The following DGKB variants were observed in gnomAD, a reference collection of about 807,000 sequenced individuals.
DGKB encodes 90 kDa diacylglycerol kinase.
In DGKB, 67 loss-of-function variants were observed where a neutral mutation model predicts 114.3. The observed-to-expected ratio is 0.59, with a 90% CI of 0.48 to 0.72. The LOEUF (loss-of-function observed/expected upper bound fraction) is 0.72. Ranked by LOEUF, DGKB falls within the 30% of genes least tolerant of loss-of-function variation. The pLI is 0.00. For missense variants in DGKB, 907 were observed against 975.2 expected (o/e 0.93, Z 0.93); for synonymous variants, 398 against 323.1 (o/e 1.23, Z -2.49).
chr7:14,175,795 CA>C (rs942468767), intron 25 of DGKB, among the ~76,000 whole-genome samples: 3 of 151,876 alleles, frequency 2.0e-5, no homozygotes, highest in African/African-American at 7.3e-5. Context: ...TTGGTCACAC[CA>C]CCCTCCTTAG....
intron 12 of DGKB, 132 bp downstream of exon 12, chr7:14,682,421 T>C: frequency 1.5e-6 from 1 of 658,430 alleles, no homozygotes; most frequent in Non-Finnish European, 2.7e-6. Context: ...CAAGCTGAAA[T>C]GAGAAGTTTC....
intron 20 of DGKB, among the ~76,000 whole-genome samples, chr7:14,506,160 T>A (rs889780057): frequency 5.3e-5 from 8 of 152,170 alleles, no homozygotes; most frequent in Non-Finnish European, 1.0e-4. Context: ...CTCTTCCTGG[T>A]AACTCAGAAT....
intron 21 of DGKB, among the ~76,000 whole-genome samples, chr7:14,453,191 A>T (rs1166476539): frequency 6.6e-6 from 1 of 152,114 alleles, no homozygotes; most frequent in East Asian, 1.9e-4. Flanking sequence ...AGGCACAGAA[A>T]GGGTTAAGCT....
intron 23 of DGKB, among the ~76,000 whole-genome samples, chr7:14,315,704 G>C (rs1473989755): frequency 2.0e-5 from 3 of 150,058 alleles, no homozygotes; most frequent in African/African-American, 7.5e-5. Flanking sequence ...ACACCCCACT[G>C]TCAACATTAG....
rs541127523 is a variant in DGKB, at chr7:14,471,191, A to C, written c.1835+6970T>G. On this transcript the variant is annotated intron_variant, in intron 21 of 25. Transcript: ENST00000402815. ...ATATGGAATATATGTATATATACAT[A>C]TATGTATGGAATATATGTATATATA... 1.5e-5 allele frequency among the ~76,000 whole-genome samples: 2 copies of C among 133,088 alleles called. 1 individual carries two copies. The highest frequency in any genetic ancestry group is 3.1e-5 in the Non-Finnish European group (2 of 63,674). 87.3% of individuals were successfully genotyped at this position (133,088 alleles called of 152,430 possible). A position where few individuals can be genotyped will look rare whatever the true frequency, so the allele number is the denominator to read the frequency against.
chr7:14,322,087 C>T (rs867396840), intron 23 of DGKB, among the ~76,000 whole-genome samples: 4 of 152,288 alleles, frequency 2.6e-5, no homozygotes, highest in Middle Eastern at 6.8e-3. Context: ...ACTGATGAAT[C>T]GACCCATAGG....
At chr7:14,762,416 G>C (rs530944438) in intron 2 of DGKB, among the ~76,000 whole-genome samples, 1 of 152,052 alleles carries the variant, frequency 6.6e-6, no homozygotes, top group East Asian at 1.9e-4. Context: ...TACATTTTAG[G>C]GATCAACGTT....
At chr7:14,651,483 T>C (rs929466066) in intron 13 of DGKB, among the ~76,000 whole-genome samples, 5 of 146,298 alleles carry the variant, frequency 3.4e-5, no homozygotes, top group Admixed American at 7.1e-5. Context: ...AAATTAGGTA[T>C]TGATGGGACG....
At chr7:14,643,978 C>A (rs372541216) in intron 13 of DGKB, among the ~76,000 whole-genome samples, 1 of 152,162 alleles carries the variant, frequency 6.6e-6, no homozygotes, top group South Asian at 2.1e-4. Flanking sequence ...CACCAACACC[C>A]ATGCCTACAA....
At chr7:14,861,367 T>C (rs1396608520) in intron 1 of DGKB, among the ~76,000 whole-genome samples, 2 of 151,982 alleles carry the variant, frequency 1.3e-5, no homozygotes, top group Non-Finnish European at 2.9e-5. Flanking sequence ...GTTTCTGATA[T>C]AGCTAAAAAT....
At chr7:14,800,241 G>A (rs1481102953) in intron 2 of DGKB, among the ~76,000 whole-genome samples, 3 of 152,130 alleles carry the variant, frequency 2.0e-5, no homozygotes, top group African/African-American at 7.2e-5. Context: ...AAACAGCTAT[G>A]GTCCTGCTAC....
At chr7:14,444,992 A>AT (rs971267311) in intron 21 of DGKB, among the ~76,000 whole-genome samples, 7 of 151,848 alleles carry the variant, frequency 4.6e-5, no homozygotes, top group African/African-American at 1.7e-4. Context: ...TCAAAGTGCC[A>AT]TTTTTTCAGT....
At chr7:14,357,330 G>A (rs987335799) in intron 21 of DGKB, among the ~76,000 whole-genome samples, 1 of 152,122 alleles carries the variant, frequency 6.6e-6, no homozygotes, top group African/African-American at 2.4e-5. Flanking sequence ...TTGTTGAATT[G>A]ATCCCTTTAC....
At chr7:14,311,645 C>G (rs1295935967) in intron 23 of DGKB, among the ~76,000 whole-genome samples, 3 of 152,130 alleles carry the variant, frequency 2.0e-5, no homozygotes, top group Non-Finnish European at 4.4e-5. Flanking sequence ...AGGCTGGTTT[C>G]AAACTCCCGG....
At chr7:14,247,801 T>A (rs573430510) in intron 23 of DGKB, among the ~76,000 whole-genome samples, 2 of 152,228 alleles carry the variant, frequency 1.3e-5, no homozygotes, top group African/African-American at 4.8e-5. Context: ...GTAGGTTGTC[T>A]CTTTATGCCT....
intron 14 of DGKB, among the ~76,000 whole-genome samples, chr7:14,622,149 T>C (rs1156412885): frequency 1.3e-5 from 2 of 152,144 alleles, no homozygotes; most frequent in Admixed American, 6.6e-5. Context: ...GTTTCACATC[T>C]AATGATCAGT....
chr7:14,720,735 C>T (rs1829036686), intron 5 of DGKB, among the ~76,000 whole-genome samples: 1 of 151,218 alleles, frequency 6.6e-6, no homozygotes. Flanking sequence ...TCAACAGAGA[C>T]ATATATTGTA....
intron 8 of DGKB, among the ~76,000 whole-genome samples, chr7:14,694,645 C>A (rs1165986872): frequency 1.3e-5 from 2 of 152,018 alleles, no homozygotes; most frequent in South Asian, 2.1e-4. Flanking sequence ...TTAATAGAGT[C>A]GAGAAGTTAA....
intron 6 of DGKB, among the ~76,000 whole-genome samples, chr7:14,713,072 T>C: frequency 6.6e-6 from 1 of 152,266 alleles, no homozygotes; most frequent in Admixed American, 6.5e-5. Context: ...TTCCTATTTT[T>C]ATGCTCATGT....
Sources: allele counts gnomAD v4.1 joint callset (sites outside exome capture counted in the v4.1 genomes callset), GRCh38; gene constraint gnomAD v4.1.1; transcripts MANE v1.5; gene names NCBI Gene and HGNC (gene_info 2026-07-23, HGNC 2026-07-21).